The following OTUD4 variants were observed in gnomAD, a reference collection of about 807,000 sequenced individuals.
OTUD4 encodes the protein OTU domain-containing protein 4.
Under a neutral mutation model 130.4 loss-of-function variants are expected in OTUD4, and 24 were observed. The observed-to-expected ratio is 0.18, with a 90% confidence interval of 0.13 to 0.26. The LOEUF (loss-of-function observed/expected upper bound fraction) is 0.26. Among genes scored for constraint, OTUD4 ranks in the 10% least tolerant of loss-of-function variants. The pLI is 1.00. For synonymous variants in OTUD4, 420 were observed against 472.5 expected (o/e 0.89, Z 1.44); for missense variants, 1,031 against 1,329.4 (o/e 0.78, Z 3.49).
At chr4:145,166,567 T>A (rs1751886108) in intron 3 of OTUD4, among the ~76,000 whole-genome samples, 1 of 150,878 alleles carries the variant, frequency 6.6e-6, no homozygotes, top group Admixed American at 6.6e-5. Context: ...TCAGGCAGGA[T>A]GTGGTGGCTC....
chr4:145,162,283 G>A (rs1301023911), intron 6 of OTUD4, among the ~76,000 whole-genome samples: 1 of 152,108 alleles, frequency 6.6e-6, no homozygotes, highest in Non-Finnish European at 1.5e-5. Context: ...GCCGGGCACG[G>A]TAGCTCACGC....
chr4:145,166,680 A>G (rs575762474), intron 3 of OTUD4, among the ~76,000 whole-genome samples: 1 of 152,288 alleles, frequency 6.6e-6, no homozygotes, highest in Middle Eastern at 3.4e-3. Flanking sequence ...TCTCTACTAA[A>G]AATACAAAAC....
Position 145,167,843 on chromosome 4 carries a change from A to G in OTUD4, c.295-2646T>C, listed in dbSNP as rs1308374927. ...ATTGCACTCCAGCCTGCGTATTAAGAGTGAAACTCCATCTCTAAAAAAAAT... is the reference window on the plus strand; with the variant it reads ...ATTGCACTCCAGCCTGCGTATTAAGGGTGAAACTCCATCTCTAAAAAAAAT... On this transcript the variant is annotated intron_variant, in intron 3 of 20. Coordinates refer to ENST00000447906, the MANE Select transcript of OTUD4 (RefSeq NM_001366057.1). 2.6e-5 allele frequency among the ~76,000 whole-genome samples: 4 copies of G among 152,168 alleles called. No homozygotes were observed. The East Asian group carries it at 7.8e-4, about 30-fold the overall frequency.
chr4:145,147,934 A>G (rs1356355320), intron 13 of OTUD4, among the ~76,000 whole-genome samples: 1 of 152,240 alleles, frequency 6.6e-6, no homozygotes, highest in Non-Finnish European at 1.5e-5. Context: ...TATTCAATAA[A>G]GTTTTTAAAT....
rs1750652976 is a variant in OTUD4 at position 145,143,357 on chromosome 4, A to G, written c.1683+8T>C. On this transcript the variant is annotated splice_region_variant and intron_variant, in intron 17 of 20. Transcript: ENST00000447906. ...AGCATTCAATGTTAAATGCAACAATATACTTACTTGTTCCGCAGGAGAAGG... is the reference window on the plus strand; with the variant it reads ...AGCATTCAATGTTAAATGCAACAATGTACTTACTTGTTCCGCAGGAGAAGG... 1 of 1,555,134 alleles carries G rather than the reference A, an allele frequency of 6.4e-7. No homozygotes were observed. The highest frequency in any genetic ancestry group is 1.4e-5 in the African/African-American group (1 of 73,828).
In OTUD4 at chr4:145,159,730, G is replaced by A; in HGVS notation, c.497-95C>T. The A allele has an allele frequency of 4.2e-6, 5 of 1,195,392 alleles. No individual in the cohort carries two copies. The South Asian group carries it at 7.1e-5, about 17-fold the overall frequency. 74.0% of individuals were successfully genotyped at this position (1,195,392 alleles called of 1,614,324 possible). A position where few individuals can be genotyped will look rare whatever the true frequency, so the allele number is the denominator to read the frequency against. Reference sequence around the variant, plus strand: ...TCACATTGTAACTTTCTATTGCTCAGGCTTTTAAAATCCTGACTAGATATC... The same window carrying A: ...TCACATTGTAACTTTCTATTGCTCAAGCTTTTAAAATCCTGACTAGATATC... On this transcript the variant is annotated intron_variant, in intron 6 of 20. Transcript: ENST00000447906.
At chr4:145,148,883 G>A (rs1219813769) in intron 13 of OTUD4, among the ~76,000 whole-genome samples, 1 of 152,140 alleles carries the variant, frequency 6.6e-6, no homozygotes, top group African/African-American at 2.4e-5. Context: ...ACCACCAGGG[G>A]CTACTGGAGT....
intron 3 of OTUD4, among the ~76,000 whole-genome samples, chr4:145,169,047 C>CTGTA (rs1752022550): frequency 6.6e-6 from 1 of 152,226 alleles, no homozygotes; most frequent in South Asian, 2.1e-4. Context: ...ATACATAAGA[C>CTGTA]TACAAACTCT....
intron 1 of OTUD4, among the ~76,000 whole-genome samples, chr4:145,175,163 G>A (rs948626907): frequency 1.3e-5 from 2 of 152,206 alleles, no homozygotes; most frequent in Non-Finnish European, 2.9e-5. Flanking sequence ...TGTATTTTGA[G>A]GCTTTCAGCC....
rs1750215395 is a variant in OTUD4 at position 145,135,772 on chromosome 4, A to C, written c.*1658T>G. The C allele has an allele frequency of 6.6e-6, 1 of 152,604 alleles. No homozygotes were observed. The highest frequency in any genetic ancestry group is 1.5e-5 in the Non-Finnish European group (1 of 68,038). 9.5% of individuals were successfully genotyped at this position (152,604 alleles called of 1,614,324 possible). ...AATCCTGTTACATTATCTAAATGCT[A>C]ATCACTACTCAAATCAGCAGTTACA... On this transcript the variant is annotated 3_prime_UTR_variant, in exon 21 of 21. Coordinates refer to ENST00000447906, the MANE Select transcript of OTUD4 (RefSeq NM_001366057.1).
chr4:145,178,653 C>T (rs1027588937), intron 1 of OTUD4: 1 of 152,124 alleles, frequency 6.6e-6, no homozygotes, highest in African/African-American at 2.4e-5. Context: ...CATAAAGCAA[C>T]GGTTTGTGTC....
At chr4:145,175,886 C>T (rs1252024891) in intron 1 of OTUD4, among the ~76,000 whole-genome samples, 1 of 151,364 alleles carries the variant, frequency 6.6e-6, no homozygotes, top group Non-Finnish European at 1.5e-5. Context: ...TTCTAGCTAG[C>T]TCCCAATTCT....
intron 6 of OTUD4, among the ~76,000 whole-genome samples, chr4:145,160,912 C>A (rs1751529613): frequency 6.6e-6 from 1 of 152,088 alleles, no homozygotes. Context: ...GGGTTTAAGA[C>A]CAGCCTGGTC....
At chr4:145,177,252 A>G (rs78981801) in intron 1 of OTUD4, among the ~76,000 whole-genome samples, 218 of 152,360 alleles carry the variant, frequency 1.4e-3, no homozygotes, top group Non-Finnish European at 2.7e-3. Context: ...GGTGGCAAAC[A>G]TAAGTTAGTA....
chr4:145,164,125 T>A (rs776153209), intron 5 of OTUD4, 29 bp downstream of exon 5: 1 of 1,032,436 alleles, frequency 9.7e-7, no homozygotes, highest in South Asian at 1.4e-5. Flanking sequence ...TTTACTTAAA[T>A]ACTTTAGAAC....
chr4:145,137,996 T>A lies in OTUD4; in HGVS notation c.2779A>T (p.Ser927Cys). The A allele has an allele frequency of 1.2e-6, 2 of 1,614,176 alleles. No homozygotes were observed. The highest frequency in any genetic ancestry group is 4.5e-5 in the East Asian group (2 of 44,862). Residue 927 changes from serine (S) to cysteine (C), a missense_variant, in exon 21 of 21, where the codon AGT becomes TGT. Around this residue, in one of 3 missense-constraint regions of OTUD4, gnomAD observed 900 missense variants for 1,095.9 expected, o/e 0.82. Coordinates refer to ENST00000447906, the MANE Select transcript of OTUD4 (RefSeq NM_001366057.1). ...CCTTCGTCCGGCTTACTGCTCACAC[T>A]TGCTTCAGGGAGAGAATGTACATGT... ...GEHVHSLPEASVSSKPDEGRT... is the reference protein window; with the variant it reads ...GEHVHSLPEACVSSKPDEGRT...
At position 145,136,947 on chromosome 4, in the gene OTUD4, A is replaced by C. The variant is rs1015747967; in HGVS notation, c.*483T>G. ...GCTGAGAATTGTTTGAGCCCAGTTT[A>C]TGACTAAGGCATTGCATAATAAAAT... On this transcript the variant is annotated 3_prime_UTR_variant, in exon 21 of 21. Transcript: ENST00000447906. 2 of 152,806 alleles carry C rather than the reference A, an allele frequency of 1.3e-5. No individual in the cohort carries two copies. The highest frequency in any genetic ancestry group is 1.3e-4 in the Admixed American group (2 of 15,292). 9.5% of individuals were successfully genotyped at this position (152,806 alleles called of 1,614,324 possible). A position where few individuals can be genotyped will look rare whatever the true frequency, so the allele number is the denominator to read the frequency against.
At chr4:145,145,617 T>G (rs923174748) in intron 14 of OTUD4, among the ~76,000 whole-genome samples, 1 of 152,186 alleles carries the variant, frequency 6.6e-6, no homozygotes, top group African/African-American at 2.4e-5. Context: ...TACCAAGATG[T>G]AAAAGACCAC....
At chr4:145,153,791 ATTC>A (rs1192130925) in intron 10 of OTUD4, among the ~76,000 whole-genome samples, 1 of 152,240 alleles carries the variant, frequency 6.6e-6, no homozygotes, top group Non-Finnish European at 1.5e-5. Flanking sequence ...CTGGTATTTC[ATTC>A]TTCATCAATG....
Sources: gnomAD v4.1 joint callset for allele counts (sites outside exome capture counted in the v4.1 genomes callset) on GRCh38, gnomAD v4.1.1 for gene constraint, gnomAD v4.1.1 regional missense constraint, MANE v1.5 for transcripts, NCBI Gene and HGNC (gene_info 2026-07-23, HGNC 2026-07-21) for gene names.